ARID2: variants seen among roughly 807,000 people sequenced by gnomAD.
The protein encoded by ARID2 is AT-rich interaction domain 2.
Under a neutral mutation model 184.6 loss-of-function variants are expected in ARID2, and 32 were observed. The observed-to-expected ratio is 0.17, with a 90% CI of 0.13 to 0.23. The LOEUF is 0.23. Among genes scored for constraint, ARID2 ranks in the 10% least tolerant of loss-of-function variants. ARID2 has a pLI of 1.00. For synonymous variants in ARID2, 836 were observed against 772.6 expected (o/e 1.08, Z -1.36); for missense variants, 1,696 against 2,197.6 (o/e 0.77, Z 4.56).
rs1013709215 is a variant in ARID2 at position 45,872,108 on chromosome 12, C to T, written c.4922+11159C>T. On this transcript the variant is annotated intron_variant, in intron 16 of 20. Coordinates refer to ENST00000334344, the MANE Select transcript of ARID2 (RefSeq NM_152641.4). ...AAATTTTTTTCTTTCTGTTGATTTC[C>T]TGTTTTCAGTTTCATTAATTTCTGC... is the stretch of plus-strand genomic sequence containing the variant. Among the ~76,000 whole-genome samples the T allele has an allele frequency of 4.6e-5, 7 of 151,624 alleles. No individual in the cohort carries two copies. The South Asian group carries it at 8.3e-4, about 18-fold the overall frequency.
At chr12:45,748,708 A>G (rs1402506004) in intron 3 of ARID2, among the ~76,000 whole-genome samples, 6 of 152,174 alleles carry the variant, frequency 3.9e-5, no homozygotes, top group Admixed American at 2.6e-4. Context: ...TGCTTTATCA[A>G]CTAAATTTAT....
chr12:45,884,173 G>C (rs1247174625), intron 16 of ARID2, among the ~76,000 whole-genome samples: 5 of 152,146 alleles, frequency 3.3e-5, no homozygotes, highest in African/African-American at 1.2e-4. Context: ...GAGGTGTGCA[G>C]ATTGCTTGAG....
chr12:45,822,095 T>C (rs1275732573), intron 6 of ARID2, among the ~76,000 whole-genome samples: 1 of 152,214 alleles, frequency 6.6e-6, no homozygotes, highest in Non-Finnish European at 1.5e-5. Context: ...AGAACATTAT[T>C]GTTTAAACAC....
chr12:45,878,775 G>A (rs919339221), intron 16 of ARID2, among the ~76,000 whole-genome samples: 3 of 152,020 alleles, frequency 2.0e-5, no homozygotes, highest in Admixed American at 6.6e-5. Context: ...TGGTGGGCGG[G>A]GGTTGTTTGT....
chr12:45,771,283 G>A (rs1363248949), intron 3 of ARID2, among the ~76,000 whole-genome samples: 2 of 151,620 alleles, frequency 1.3e-5, no homozygotes, highest in African/African-American at 2.4e-5. Context: ...GCTTGAGCCC[G>A]GGAGGCGGAG....
At chr12:45,837,756 T>G (rs1360030225) in intron 10 of ARID2, 49 bp downstream of exon 10, 1 of 1,557,672 alleles carries the variant, frequency 6.4e-7, no homozygotes, top group Admixed American at 1.7e-5. Context: ...GTAAAAGTGT[T>G]TAATATGGTA....
intron 3 of ARID2, among the ~76,000 whole-genome samples, chr12:45,782,997 G>A (rs1352357816): frequency 6.6e-6 from 1 of 151,802 alleles, no homozygotes; most frequent in East Asian, 1.9e-4. Flanking sequence ...GTGGTCGTGC[G>A]CACCTGTAAT....
chr12:45,901,358 G>A (rs1944455929), intron 20 of ARID2, among the ~76,000 whole-genome samples: 1 of 151,114 alleles, frequency 6.6e-6, no homozygotes, highest in Non-Finnish European at 1.5e-5. Flanking sequence ...ATTTAGTAGA[G>A]ACAGGGTTTC....
At chr12:45,758,157 A>G (rs557273543) in intron 3 of ARID2, among the ~76,000 whole-genome samples, 1 of 152,162 alleles carries the variant, frequency 6.6e-6, no homozygotes, top group South Asian at 2.1e-4. Flanking sequence ...AGAAAAATGT[A>G]AAAGATAAAT....
intron 3 of ARID2, among the ~76,000 whole-genome samples, chr12:45,734,091 A>G (rs1179735019): frequency 6.6e-6 from 1 of 152,264 alleles, no homozygotes; most frequent in Non-Finnish European, 1.5e-5. Flanking sequence ...ATTGGAGGCC[A>G]GGTGCGGTGG....
intron 3 of ARID2, among the ~76,000 whole-genome samples, chr12:45,775,570 GA>G (rs1941960137): frequency 6.6e-6 from 1 of 152,170 alleles, no homozygotes; most frequent in African/African-American, 2.4e-5. Context: ...ATGGAAGGGA[GA>G]ATAACATTAC....
At chr12:45,893,778 TAA>T in intron 20 of ARID2, 57 bp downstream of exon 20, 1 of 1,331,980 alleles carries the variant, frequency 7.5e-7, no homozygotes, top group Non-Finnish European at 1.0e-6. Flanking sequence ...TTTTTACATA[TAA>T]GTTAATAAAA....
intron 3 of ARID2, among the ~76,000 whole-genome samples, chr12:45,792,899 G>T (rs1231521026): frequency 6.6e-6 from 1 of 152,052 alleles, no homozygotes; most frequent in Non-Finnish European, 1.5e-5. Context: ...CAACCTTCTG[G>T]ATAAAAAGCA....
chr12:45,803,634 C>A (rs983546242), intron 3 of ARID2, among the ~76,000 whole-genome samples: 1 of 152,082 alleles, frequency 6.6e-6, no homozygotes, highest in Admixed American at 6.6e-5. Flanking sequence ...ATATAGAAAT[C>A]TTTTGGCCTA....
At chr12:45,896,385 C>T (rs564225381) in intron 20 of ARID2, among the ~76,000 whole-genome samples, 6 of 152,288 alleles carry the variant, frequency 3.9e-5, no homozygotes, top group African/African-American at 1.4e-4. Flanking sequence ...CCACCCAGAT[C>T]TCCTCTTGAA....
intron 3 of ARID2, among the ~76,000 whole-genome samples, chr12:45,748,298 G>A (rs1418331892): frequency 6.6e-6 from 1 of 152,172 alleles, no homozygotes; most frequent in East Asian, 1.9e-4. Flanking sequence ...GGCTGAGGTG[G>A]AAGGATTGCT....
At chr12:45,771,356 C>CA (rs57398188) in intron 3 of ARID2, among the ~76,000 whole-genome samples, 11,197 of 66,214 alleles carry the variant, frequency 0.17, 1,699 homozygotes, top group African/African-American at 0.43. Flanking sequence ...GAGTCCATGT[C>CA]AAAAAAAAAA....
chr12:45,865,770 T>C (rs1943821726), intron 16 of ARID2, among the ~76,000 whole-genome samples: 1 of 152,172 alleles, frequency 6.6e-6, no homozygotes, highest in Non-Finnish European at 1.5e-5. Flanking sequence ...TCTTTTCTCA[T>C]ACTATAAGAG....
chr12:45,847,020 A>G, intron 12 of ARID2, 83 bp downstream of exon 12: 1 of 1,285,568 alleles, frequency 7.8e-7, no homozygotes. Context: ...ACAGACATCC[A>G]GAATGTTTTG....
Sources: allele counts gnomAD v4.1 joint callset (sites outside exome capture counted in the v4.1 genomes callset), GRCh38; gene constraint gnomAD v4.1.1; transcripts MANE v1.5; gene names NCBI Gene and HGNC (gene_info 2026-07-23, HGNC 2026-07-21).